The following PCCA variants were observed in gnomAD, a reference collection of about 807,000 sequenced individuals.
PCCA encodes propionyl-CoA carboxylase subunit alpha, also known as propionyl-CoA carboxylase alpha chain, mitochondrial.
In PCCA, 74 loss-of-function variants were observed where a neutral mutation model predicts 101.3. That is an observed-to-expected ratio of 0.73 (90% CI 0.61 to 0.89). The LOEUF is 0.89. PCCA is among the 40% of genes least tolerant of loss of function. The pLI is 0.00. For synonymous variants in PCCA, 294 were observed against 313.6 expected (o/e 0.94, Z 0.66); for missense variants, 891 against 907.0 (o/e 0.98, Z 0.23).
intron 20 of PCCA, among the ~76,000 whole-genome samples, chr13:100,447,682 A>G (rs538714123): frequency 6.6e-6 from 1 of 152,268 alleles, no homozygotes; most frequent in Admixed American, 6.5e-5. Flanking sequence ...CAAAAAAAAA[A>G]AAAGAAAGAA....
At chr13:100,257,797 C>T in intron 9 of PCCA, 124 bp downstream of exon 9, 1 of 714,942 alleles carries the variant, frequency 1.4e-6, no homozygotes, top group African/African-American at 1.7e-5. Flanking sequence ...AATTTTTACA[C>T]TTTTGAATGG....
chr13:100,159,353 T>TGGCTCA (rs2054214188), intron 6 of PCCA, among the ~76,000 whole-genome samples: 3 of 152,112 alleles, frequency 2.0e-5, no homozygotes, highest in Admixed American at 1.3e-4. Context: ...CTTCCCAAAG[T>TGGCTCA]GCTGGGATTA....
intron 7 of PCCA, among the ~76,000 whole-genome samples, chr13:100,221,319 C>A (rs574870674): frequency 9.9e-5 from 15 of 152,214 alleles, no homozygotes; most frequent in Non-Finnish European, 1.6e-4. Flanking sequence ...GTTGGGGAGA[C>A]CCCTGAGGGG....
intron 10 of PCCA, among the ~76,000 whole-genome samples, chr13:100,267,841 G>A (rs2063046770): frequency 6.6e-6 from 1 of 152,034 alleles, no homozygotes; most frequent in Admixed American, 6.5e-5. Flanking sequence ...GACATAGCTA[G>A]AAAAAAATTA....
intron 20 of PCCA, among the ~76,000 whole-genome samples, chr13:100,437,704 C>T (rs1325944581): frequency 2.0e-5 from 3 of 151,982 alleles, no homozygotes; most frequent in East Asian, 1.9e-4. Flanking sequence ...AGACGGAGTC[C>T]GTTGCCCAGG....
chr13:100,261,802 G>C (rs1439436207), intron 9 of PCCA, among the ~76,000 whole-genome samples: 1 of 152,102 alleles, frequency 6.6e-6, no homozygotes, highest in Non-Finnish European at 1.5e-5. Context: ...TTTTATAGAA[G>C]ATAAAATTGT....
chr13:100,280,898 G>A (rs1319577935), intron 12 of PCCA, among the ~76,000 whole-genome samples: 2 of 152,032 alleles, frequency 1.3e-5, no homozygotes, highest in East Asian at 3.9e-4. Context: ...CTCTCCATGA[G>A]TCACTTAGAA....
chr13:100,176,806 G>A (rs1454890583), intron 6 of PCCA, among the ~76,000 whole-genome samples: 2 of 152,128 alleles, frequency 1.3e-5, no homozygotes, highest in African/African-American at 2.4e-5. Context: ...GAGCAACATG[G>A]AAAATGTTTA....
intron 18 of PCCA, among the ~76,000 whole-genome samples, chr13:100,360,788 A>G (rs2074489132): frequency 6.6e-6 from 1 of 152,140 alleles, no homozygotes; most frequent in Admixed American, 6.5e-5. Context: ...CCATATAATC[A>G]AGGAGTTGTG....
intron 12 of PCCA, among the ~76,000 whole-genome samples, chr13:100,277,187 G>C (rs1004118203): frequency 6.6e-6 from 1 of 152,068 alleles, no homozygotes; most frequent in East Asian, 1.9e-4. Context: ...CTTATCTTGA[G>C]GTTGCATTCC....
At chr13:100,108,933 A>G (rs1051775451) in intron 2 of PCCA, among the ~76,000 whole-genome samples, 1 of 152,216 alleles carries the variant, frequency 6.6e-6, no homozygotes, top group Non-Finnish European at 1.5e-5. Context: ...AATTTTATGT[A>G]TGGAAGATTA....
At chr13:100,136,189 T>C (rs1385799128) in intron 4 of PCCA, among the ~76,000 whole-genome samples, 2 of 148,318 alleles carry the variant, frequency 1.3e-5, no homozygotes, top group African/African-American at 4.9e-5. Context: ...AATTGTTTTT[T>C]TTTTTTTTTT....
At chr13:100,237,983 G>C (rs1159198525) in intron 8 of PCCA, among the ~76,000 whole-genome samples, 3 of 145,992 alleles carry the variant, frequency 2.1e-5, no homozygotes, top group Non-Finnish European at 4.5e-5. Context: ...TTGTTGCCCA[G>C]GTTGGAGTGC....
chr13:100,148,575 T>C (rs1466074538), intron 4 of PCCA, among the ~76,000 whole-genome samples: 2 of 152,216 alleles, frequency 1.3e-5, no homozygotes, highest in Non-Finnish European at 2.9e-5. Flanking sequence ...CCCTTGATGC[T>C]TCTACTAAGG....
At chr13:100,272,368 A>G (rs895443403) in intron 11 of PCCA, among the ~76,000 whole-genome samples, 4 of 152,080 alleles carry the variant, frequency 2.6e-5, no homozygotes, top group African/African-American at 7.2e-5. Context: ...TTTTTTGTGT[A>G]TTTCTCATTT....
At chr13:100,134,333 C>T (rs920672726) in intron 4 of PCCA, among the ~76,000 whole-genome samples, 1 of 152,094 alleles carries the variant, frequency 6.6e-6, no homozygotes, top group Non-Finnish European at 1.5e-5. Context: ...CTTTTTCTCC[C>T]CCCATTTTTC....
chr13:100,359,860 C>A (rs919556276), intron 18 of PCCA, among the ~76,000 whole-genome samples: 1 of 152,222 alleles, frequency 6.6e-6, no homozygotes, highest in Non-Finnish European at 1.5e-5. Context: ...GATGTCACTT[C>A]TCTCTACAGT....
chr13:100,465,300 T>C (rs932296513), intron 21 of PCCA, among the ~76,000 whole-genome samples: 2 of 152,242 alleles, frequency 1.3e-5, no homozygotes, highest in Non-Finnish European at 2.9e-5. Flanking sequence ...CACATGATAT[T>C]CCTGGCCCCA....
In PCCA at chr13:100,530,380, G is replaced by T. The variant is rs2088319194; in HGVS notation, c.*214G>T. ...ACTTGTACATATGATTTGTACTTCTGCTGTGAGATTCCCTAGTGTCAAAAT... is the reference window on the plus strand; with the variant it reads ...ACTTGTACATATGATTTGTACTTCTTCTGTGAGATTCCCTAGTGTCAAAAT... On this transcript the variant is annotated 3_prime_UTR_variant, in exon 24 of 24. Coordinates refer to ENST00000376285, the MANE Select transcript of PCCA (RefSeq NM_000282.4). 1.6e-5 allele frequency: 10 copies of T among 613,436 alleles called. No homozygotes were observed. The Admixed American group carries it at 1.8e-4, about 11-fold the overall frequency. The allele number at this position is 613,436 out of a possible 1,614,324, so 38.0% of individuals were successfully genotyped here.
Sources: gnomAD v4.1 joint callset for allele counts (sites outside exome capture counted in the v4.1 genomes callset) on GRCh38, gnomAD v4.1.1 for gene constraint, MANE v1.5 for transcripts, NCBI Gene and HGNC (gene_info 2026-07-23, HGNC 2026-07-21) for gene names.